CNTNAP4: variants seen among roughly 807,000 people sequenced by gnomAD.
The protein encoded by CNTNAP4 is contactin associated protein family member 4.
A neutral mutation model predicts 148.4 loss-of-function variants in CNTNAP4; 98 were observed. That is an observed-to-expected ratio of 0.66 (90% CI 0.56 to 0.78). CNTNAP4 has a LOEUF of 0.78. Ranked by LOEUF, CNTNAP4 falls within the 30% of genes least tolerant of loss-of-function variation. The pLI is 0.00. For missense variants in CNTNAP4, 1,935 were observed against 1,565.6 expected (o/e 1.24, Z -3.98); for synonymous variants, 730 against 565.1 (o/e 1.29, Z -4.14).
At chr16:76,357,237 G>C (rs1176943712) in intron 3 of CNTNAP4, among the ~76,000 whole-genome samples, 1 of 151,968 alleles carries the variant, frequency 6.6e-6, no homozygotes, top group Non-Finnish European at 1.5e-5. Context: ...GCTCTTTTTT[G>C]AATTAAGCAT....
intron 10 of CNTNAP4, among the ~76,000 whole-genome samples, chr16:76,471,809 T>A (rs2081387787): frequency 6.6e-6 from 1 of 152,198 alleles, no homozygotes; most frequent in South Asian, 2.1e-4. Context: ...GGAGGTTGAT[T>A]CTTGTCAATA....
At chr16:76,359,051 A>G (rs1275041710) in intron 3 of CNTNAP4, among the ~76,000 whole-genome samples, 4 of 152,164 alleles carry the variant, frequency 2.6e-5, no homozygotes, top group Non-Finnish European at 5.9e-5. Context: ...CTGTCTCTTG[A>G]CTTTTCTGCC....
intron 3 of CNTNAP4, among the ~76,000 whole-genome samples, chr16:76,381,225 C>T (rs2015933904): frequency 6.6e-6 from 1 of 152,126 alleles, no homozygotes; most frequent in Admixed American, 6.5e-5. Context: ...TTGGCATTCT[C>T]CAAACCTCAG....
At chr16:76,359,881 G>C (rs187149594) in intron 3 of CNTNAP4, among the ~76,000 whole-genome samples, 2 of 152,072 alleles carry the variant, frequency 1.3e-5, no homozygotes, top group African/African-American at 4.8e-5. Context: ...CTGAGATATC[G>C]TGAAATCAAC....
At chr16:76,502,891 C>T (rs1031710158) in intron 15 of CNTNAP4, among the ~76,000 whole-genome samples, 7 of 151,758 alleles carry the variant, frequency 4.6e-5, no homozygotes, top group Non-Finnish European at 7.4e-5. Flanking sequence ...TGTAGATCAG[C>T]CATGTTTTTC....
chr16:76,417,813 T>C (rs2079042063), intron 3 of CNTNAP4, among the ~76,000 whole-genome samples: 2 of 151,726 alleles, frequency 1.3e-5, no homozygotes, highest in African/African-American at 4.8e-5. Context: ...TCAGTTTTTG[T>C]TTGCCTGAGA....
intron 3 of CNTNAP4, among the ~76,000 whole-genome samples, chr16:76,360,341 C>T (rs1184447291): frequency 1.3e-5 from 2 of 152,128 alleles, no homozygotes; most frequent in Non-Finnish European, 2.9e-5. Flanking sequence ...GAAACACTAC[C>T]TGCAAAGATT....
rs372054509 is a variant in CNTNAP4 at position 76,489,775 on chromosome 16, G to C, written c.1972G>C (p.Glu658Gln). 1 of 1,604,912 alleles carries C rather than the reference G, an allele frequency of 6.2e-7. No homozygotes were observed. Among genetic ancestry groups the C allele is most frequent in the East Asian group, 2.2e-5 (1 of 44,622 alleles). Reference protein sequence around the residue: ...NPENPYAGFFEYVASMEQLQA... With the variant: ...NPENPYAGFFQYVASMEQLQA... ...AGAGAACCCATATGCTGGGTTTTTC[G>C]AGTATGTGGCCAGCATGGAGCAACT... Residue 658 changes from glutamate (E) to glutamine (Q), a missense_variant, in exon 13 of 24, where the codon GAG becomes CAG. Transcript: ENST00000611870.
At chr16:76,418,569 C>G (rs901733850) in intron 3 of CNTNAP4, among the ~76,000 whole-genome samples, 46 of 151,570 alleles carry the variant, frequency 3.0e-4, no homozygotes, top group African/African-American at 1.1e-3. Flanking sequence ...GTTTTCATCT[C>G]TCGATTACAT....
At chr16:76,523,223 T>C (rs982598382) in intron 17 of CNTNAP4, among the ~76,000 whole-genome samples, 3 of 151,024 alleles carry the variant, frequency 2.0e-5, no homozygotes, top group African/African-American at 4.9e-5. Context: ...ATGCCAAACA[T>C]TGAACACTCC....
chr16:76,449,904 T>C, intron 7 of CNTNAP4, 46 bp downstream of exon 7: 1 of 1,507,106 alleles, frequency 6.6e-7, no homozygotes, highest in Non-Finnish European at 8.9e-7. Context: ...TATTTCTTTT[T>C]TCCACACAGT....
At chr16:76,359,969 C>T (rs923110800) in intron 3 of CNTNAP4, among the ~76,000 whole-genome samples, 6 of 152,078 alleles carry the variant, frequency 3.9e-5, no homozygotes, top group African/African-American at 1.4e-4. Context: ...ATGGTAAATG[C>T]CTAAGATTCT....
intron 3 of CNTNAP4, among the ~76,000 whole-genome samples, chr16:76,374,808 C>A (rs900365429): frequency 2.1e-4 from 31 of 150,564 alleles, no homozygotes; most frequent in African/African-American, 7.3e-4. Flanking sequence ...CGCTCTTGTC[C>A]CCCAGGCTTG....
intron 1 of CNTNAP4, among the ~76,000 whole-genome samples, chr16:76,298,354 A>G (rs1303251611): frequency 6.6e-6 from 1 of 152,200 alleles, no homozygotes; most frequent in Admixed American, 6.6e-5. Context: ...TGGAGCAGCC[A>G]TATGAAAGGT....
At chr16:76,408,539 A>G (rs1294115006) in intron 3 of CNTNAP4, among the ~76,000 whole-genome samples, 2 of 151,888 alleles carry the variant, frequency 1.3e-5, no homozygotes, top group Admixed American at 6.6e-5. Flanking sequence ...ACTCTTTCAT[A>G]CGTTGCCCAT....
At chr16:76,305,265 G>T (rs1415182252) in intron 1 of CNTNAP4, among the ~76,000 whole-genome samples, 1 of 151,860 alleles carries the variant, frequency 6.6e-6, no homozygotes, top group Non-Finnish European at 1.5e-5. Flanking sequence ...TTCTCATTTT[G>T]TATACTTATA....
intron 21 of CNTNAP4, among the ~76,000 whole-genome samples, chr16:76,545,716 G>T (rs931721346): frequency 6.6e-6 from 1 of 152,140 alleles, no homozygotes; most frequent in Non-Finnish European, 1.5e-5. Flanking sequence ...GAAAGGGATT[G>T]TTTATTTCTT....
At chr16:76,341,120 C>T (rs892399732) in intron 2 of CNTNAP4, among the ~76,000 whole-genome samples, 110 of 152,172 alleles carry the variant, frequency 7.2e-4, no homozygotes, top group African/African-American at 2.6e-3. Context: ...TCGTTCTTCA[C>T]CTCCTAGGTC....
rs1349321753 is a variant in CNTNAP4, at chr16:76,508,444, T to A, written c.2365+9750T>A. On this transcript the variant is annotated intron_variant, in intron 15 of 23. Coordinates refer to ENST00000611870, the MANE Select transcript of CNTNAP4 (RefSeq NM_033401.5). ...AATTTTAGTTAATATTAATTTTTTT[T>A]AACTTTTCACTCAATACAGTGCCTT... Among the ~76,000 whole-genome samples the A allele has an allele frequency of 1.0e-4, 10 of 96,542 alleles. 4 individuals are homozygous for A. In the South Asian group the frequency reaches 4.1e-3, roughly 39 times the overall value. The allele number at this position is 96,542 out of a possible 152,430, so 63.3% of individuals were successfully genotyped here. A position where few individuals can be genotyped will look rare whatever the true frequency, so the allele number is the denominator to read the frequency against.
Sources: allele counts gnomAD v4.1 joint callset (sites outside exome capture counted in the v4.1 genomes callset), GRCh38; gene constraint gnomAD v4.1.1; transcripts MANE v1.5; gene names NCBI Gene and HGNC (gene_info 2026-07-23, HGNC 2026-07-21).